IQGAP2: variants seen among roughly 807,000 people sequenced by gnomAD.
IQGAP2 encodes the protein ras GTPase-activating-like protein IQGAP2.
IQGAP2 carries 173 observed loss-of-function variants against 201.3 expected under a neutral mutation model. The ratio of observed to expected loss-of-function variants is 0.86; its 90% CI spans 0.76 to 0.98. The LOEUF (loss-of-function observed/expected upper bound fraction) is 0.98. Ranked by LOEUF, IQGAP2 falls within the 50% of genes least tolerant of loss-of-function variation. The pLI is 0.00. For synonymous variants in IQGAP2, 675 were observed against 673.9 expected, an observed-to-expected ratio of 1.00 and a Z score of -0.03; for missense variants, 1,687 against 1,864.8, an observed-to-expected ratio of 0.90 and a Z score of 1.76.
chr5:76,657,127 G>T (rs895601397), intron 20 of IQGAP2, among the ~76,000 whole-genome samples: 1 of 152,110 alleles, frequency 6.6e-6, no homozygotes, highest in Non-Finnish European at 1.5e-5. Flanking sequence ...TATTAAATTC[G>T]AGCCATAACA....
At chr5:76,617,328 A>C in intron 13 of IQGAP2, 1 of 364,800 alleles carries the variant, frequency 2.7e-6, no homozygotes, top group South Asian at 4.5e-5. Context: ...GTGTAATCCC[A>C]GCTACTTGGG....
intron 2 of IQGAP2, among the ~76,000 whole-genome samples, chr5:76,540,415 A>G (rs917308817): frequency 6.6e-6 from 1 of 152,168 alleles, no homozygotes; most frequent in African/African-American, 2.4e-5. Flanking sequence ...AGTTGGAGGT[A>G]TGGAGCACTA....
At chr5:76,619,797 C>T (rs541585464) in intron 13 of IQGAP2, among the ~76,000 whole-genome samples, 123 of 152,238 alleles carry the variant, frequency 8.1e-4, no homozygotes, top group East Asian at 2.5e-3. Context: ...GGATTACAGG[C>T]GTGAGCCACC....
chr5:76,494,510 T>C (rs2150159010), intron 2 of IQGAP2, among the ~76,000 whole-genome samples: 1 of 152,334 alleles, frequency 6.6e-6, no homozygotes, highest in Middle Eastern at 3.4e-3. Flanking sequence ...ACCCCCACAA[T>C]TGTACATGCC....
At chr5:76,626,328 A>T (rs1469679217) in intron 13 of IQGAP2, among the ~76,000 whole-genome samples, 3 of 115,080 alleles carry the variant, frequency 2.6e-5, no homozygotes, top group Non-Finnish European at 4.9e-5. Flanking sequence ...GCTGGAGTTC[A>T]GTGGCCTGAC....
chr5:76,405,525 G>A (rs1483083167), intron 1 of IQGAP2, among the ~76,000 whole-genome samples: 1 of 152,154 alleles, frequency 6.6e-6, no homozygotes, highest in Non-Finnish European at 1.5e-5. Context: ...AAATATTAAG[G>A]CTTTAATATG....
At chr5:76,498,559 T>G (rs1436810792) in intron 2 of IQGAP2, among the ~76,000 whole-genome samples, 2 of 152,206 alleles carry the variant, frequency 1.3e-5, no homozygotes, top group African/African-American at 4.8e-5. Flanking sequence ...CCTTGGGCTG[T>G]TACTGAACTT....
At chr5:76,673,377 A>G in intron 24 of IQGAP2, 72 bp from the exon 25 acceptor site, 1 of 1,527,696 alleles carries the variant, frequency 6.5e-7, no homozygotes, top group Non-Finnish European at 8.9e-7. Context: ...GCTTGACTAT[A>G]GAACCAACTT....
At position 76,455,294 on chromosome 5, in the gene IQGAP2, C is replaced by CA. The variant is rs559017053; in HGVS notation, c.47-6268dup. Among the ~76,000 whole-genome samples, 19 of 151,230 alleles carry CA rather than the reference C, an allele frequency of 1.3e-4. No individual in the cohort carries two copies. In the East Asian group the frequency reaches 3.1e-3, roughly 25 times the overall value. ...TGAAACCCTGTCTCTACTAAAAATACAAAAAAAATTTAGCCTGGCATGGTG... is the reference window on the plus strand; with the variant it reads ...TGAAACCCTGTCTCTACTAAAAATACAAAAAAAAATTTAGCCTGGCATGGTG... On this transcript the variant is annotated intron_variant, in intron 1 of 35. Transcript: ENST00000274364.
At chr5:76,584,680 C>A (rs1248074321) in intron 5 of IQGAP2, among the ~76,000 whole-genome samples, 3 of 152,208 alleles carry the variant, frequency 2.0e-5, no homozygotes, top group Non-Finnish European at 4.4e-5. Context: ...AGTCCCCAGT[C>A]TGAGAAGGAA....
chr5:76,540,978 C>T (rs1487281140), intron 2 of IQGAP2, among the ~76,000 whole-genome samples: 1 of 151,970 alleles, frequency 6.6e-6, no homozygotes, highest in East Asian at 1.9e-4. Flanking sequence ...TGACAGACAC[C>T]TACCTAATCT....
At chr5:76,414,223 T>A (rs549833305) in intron 1 of IQGAP2, among the ~76,000 whole-genome samples, 1 of 152,282 alleles carries the variant, frequency 6.6e-6, no homozygotes, top group South Asian at 2.1e-4. Flanking sequence ...ATTGTCACTT[T>A]TCTGTTTTTT....
chr5:76,545,302 G>C (rs1199286161), intron 2 of IQGAP2, among the ~76,000 whole-genome samples: 1 of 152,184 alleles, frequency 6.6e-6, no homozygotes, highest in Non-Finnish European at 1.5e-5. Flanking sequence ...GAGGAAATGT[G>C]TGGTGGTCTG....
intron 2 of IQGAP2, among the ~76,000 whole-genome samples, chr5:76,554,280 C>T (rs1469078755): frequency 6.6e-6 from 1 of 151,858 alleles, no homozygotes; most frequent in Non-Finnish European, 1.5e-5. Flanking sequence ...ATATAAAATA[C>T]CAAAAATATA....
In IQGAP2 at chr5:76,697,905, T is replaced by C. The variant is rs1746904326; in HGVS notation, c.4207-82T>C. ...GTTACAAATAGCGACTTACTACTGC[T>C]TGATATTCTTCTTGTCCCAAACTGG... On this transcript the variant is annotated intron_variant, in intron 32 of 35. Transcript: ENST00000274364. The C allele has an allele frequency of 2.8e-6, 3 of 1,065,848 alleles. No individual in the cohort carries two copies. In the Admixed American group the frequency reaches 7.0e-5, roughly 25 times the overall value. The allele number at this position is 1,065,848 out of a possible 1,614,324, so 66.0% of individuals were successfully genotyped here.
intron 1 of IQGAP2, among the ~76,000 whole-genome samples, chr5:76,444,828 G>A (rs369584119): frequency 3.2e-4 from 49 of 152,108 alleles, no homozygotes; most frequent in Middle Eastern, 3.4e-3. Flanking sequence ...CCTGGGATTG[G>A]GTTTTTTCAT....
chr5:76,621,783 T>C (rs1749698826), intron 13 of IQGAP2, among the ~76,000 whole-genome samples: 1 of 152,196 alleles, frequency 6.6e-6, no homozygotes, highest in South Asian at 2.1e-4. Flanking sequence ...TTGTTAAATT[T>C]TTTTATTGTA....
intron 33 of IQGAP2, among the ~76,000 whole-genome samples, chr5:76,699,657 C>A (rs1378843000): frequency 1.2e-5 from 1 of 84,532 alleles, no homozygotes; most frequent in African/African-American, 4.5e-5. Flanking sequence ...CTCTCTCTCT[C>A]TCTCACTCTC....
At chr5:76,475,186 G>A (rs1755343262) in intron 2 of IQGAP2, among the ~76,000 whole-genome samples, 1 of 152,166 alleles carries the variant, frequency 6.6e-6, no homozygotes, top group Admixed American at 6.5e-5. Flanking sequence ...GATACTAAGA[G>A]TCACCATCTG....
Sources: allele counts gnomAD v4.1 joint callset (sites outside exome capture counted in the v4.1 genomes callset), GRCh38; gene constraint gnomAD v4.1.1; transcripts MANE v1.5; gene names NCBI Gene and HGNC (gene_info 2026-07-23, HGNC 2026-07-21).